The following ZSWIM5 variants were observed in gnomAD, a reference collection of about 807,000 sequenced individuals.
ZSWIM5 encodes the protein zinc finger SWIM-type containing 5.
In ZSWIM5, 55 loss-of-function variants were observed where a neutral mutation model predicts 119.6. The observed-to-expected ratio is 0.46, with a 90% CI of 0.37 to 0.58. The LOEUF (loss-of-function observed/expected upper bound fraction) is 0.58, where lower values mean the gene tolerates loss of function less well. Among genes scored for constraint, ZSWIM5 ranks in the 20% least tolerant of loss-of-function variants. ZSWIM5 has a pLI of 0.00. For synonymous variants in ZSWIM5, 537 were observed against 606.9 expected (o/e 0.88, Z 1.69); for missense variants, 1,193 against 1,512.8 (o/e 0.79, Z 3.51).
At chr1:45,020,838 C>G in intron 11 of ZSWIM5, 50 bp from the exon 12 acceptor site, 1 of 1,585,144 alleles carries the variant, frequency 6.3e-7, no homozygotes, top group Non-Finnish European at 8.6e-7. Context: ...TTTTACTAAA[C>G]AGTCAGCTGA....
At chr1:45,138,874 T>G (rs1438325536) in intron 1 of ZSWIM5, among the ~76,000 whole-genome samples, 1 of 151,648 alleles carries the variant, frequency 6.6e-6, no homozygotes, top group East Asian at 1.9e-4. Context: ...AGTAGAAATT[T>G]CGTTTTTCTT....
In ZSWIM5 at chr1:45,092,546, C is replaced by A. The variant is rs563703149; in HGVS notation, c.596-4309G>T. Among the ~76,000 whole-genome samples the A allele has an allele frequency of 1.2e-3, 116 of 98,390 alleles. 8 individuals carry two copies. Among genetic ancestry groups the A allele is most frequent in the Non-Finnish European group, 1.8e-3 (76 of 41,440 alleles). 64.5% of individuals were successfully genotyped at this position (98,390 alleles called of 152,430 possible). On this transcript the variant is annotated intron_variant, in intron 1 of 13. Coordinates refer to ENST00000359600, the MANE Select transcript of ZSWIM5 (RefSeq NM_020883.2). ...TTGTGACCTCGTGATCCACCCCCCCCCCCCCGCCAGCCTTACAAAGTGCTA... is the reference window on the plus strand; with the variant it reads ...TTGTGACCTCGTGATCCACCCCCCCACCCCCGCCAGCCTTACAAAGTGCTA...
intron 1 of ZSWIM5, among the ~76,000 whole-genome samples, chr1:45,145,877 G>C (rs748575156): frequency 5.9e-5 from 9 of 152,302 alleles, no homozygotes; most frequent in Non-Finnish European, 1.3e-4. Context: ...AAAGGAGACT[G>C]AGATGGAGCT....
intron 2 of ZSWIM5, among the ~76,000 whole-genome samples, chr1:45,083,267 AT>A (rs1392902124): frequency 8.1e-5 from 12 of 148,412 alleles, no homozygotes; most frequent in Non-Finnish European, 1.0e-4. Flanking sequence ...TATTCTTTTA[AT>A]TTTTTTTTTT....
Position 45,060,109 on chromosome 1 carries a change from A to G in ZSWIM5, c.1091T>C (p.Met364Thr). Residue 364 changes from methionine to threonine, a missense_variant, in exon 3 of 14, where the codon ATG becomes ACG. Around this residue, in one of 2 missense-constraint regions of ZSWIM5, gnomAD observed 961 missense variants for 1,290.0 expected, o/e 0.74. Coordinates refer to ENST00000359600, the MANE Select transcript of ZSWIM5 (RefSeq NM_020883.2). ...YCGSGKQLNS[M>T]FAKVREMLRM... ...CTTTTCATATCTTACCTTGGCAAAC[A>G]TTGAGTTGAGTTGCTTTCCAGAGCC... 6.2e-7 allele frequency: 1 copy of G among 1,614,164 alleles called. No individual in the cohort carries two copies. The highest frequency in any genetic ancestry group is 8.5e-7 in the Non-Finnish European group (1 of 1,180,010).
At chr1:45,184,573 A>G (rs1178411582) in intron 1 of ZSWIM5, among the ~76,000 whole-genome samples, 2 of 152,296 alleles carry the variant, frequency 1.3e-5, no homozygotes, top group South Asian at 2.1e-4. Flanking sequence ...AAATCAATGT[A>G]CAAAAATCAC....
At position 45,017,387 on chromosome 1, in the gene ZSWIM5, T is replaced by C. The variant is rs140223641; in HGVS notation, c.*1067A>G. ...CTAAACATGCACAAACATGAGTGCA[T>C]TTGCACAAAGATGTGCATCCTCACA... On this transcript the variant is annotated 3_prime_UTR_variant, in exon 14 of 14. Coordinates refer to ENST00000359600, the MANE Select transcript of ZSWIM5 (RefSeq NM_020883.2). 3 of 152,352 alleles carry C rather than the reference T, an allele frequency of 2.0e-5. No homozygotes were observed. Among genetic ancestry groups the C allele is most frequent in the Non-Finnish European group, 4.4e-5 (3 of 68,036 alleles). 9.4% of individuals were successfully genotyped at this position (152,352 alleles called of 1,614,324 possible). A position where few individuals can be genotyped will look rare whatever the true frequency, so the allele number is the denominator to read the frequency against.
intron 1 of ZSWIM5, among the ~76,000 whole-genome samples, chr1:45,134,755 C>T (rs992721163): frequency 5.3e-5 from 8 of 152,194 alleles, no homozygotes; most frequent in East Asian, 1.9e-4. Context: ...TAGTCTCTAG[C>T]GGTCAGGTGC....
At chr1:45,195,663 C>T (rs940036936) in intron 1 of ZSWIM5, among the ~76,000 whole-genome samples, 26 of 152,076 alleles carry the variant, frequency 1.7e-4, no homozygotes, top group Non-Finnish European at 2.2e-4. Context: ...TGGAATAAGG[C>T]CTCTCCAAAA....
chr1:45,188,366 A>G (rs895646621), intron 1 of ZSWIM5, among the ~76,000 whole-genome samples: 6 of 152,220 alleles, frequency 3.9e-5, no homozygotes, highest in Admixed American at 2.6e-4. Flanking sequence ...TTCTTACTCA[A>G]TTTATATAAA....
At chr1:45,194,697 G>A (rs1646111901) in intron 1 of ZSWIM5, among the ~76,000 whole-genome samples, 2 of 152,048 alleles carry the variant, frequency 1.3e-5, no homozygotes, top group South Asian at 4.1e-4. Flanking sequence ...CTAACACAGT[G>A]AAACCCTGTT....
At position 45,019,936 on chromosome 1, in the gene ZSWIM5, T is replaced by C. The variant is rs182967124; in HGVS notation, c.2695+130A>G. ...TTCTCCTACCAGCAGCCCCATCCTT[T>C]CTTAGGCCATCTCCTGATGGACCTA... On this transcript the variant is annotated intron_variant, in intron 13 of 13. Coordinates refer to ENST00000359600, the MANE Select transcript of ZSWIM5 (RefSeq NM_020883.2). This position sits in a 1 kb window ranked among gnomAD's most constrained non-coding sequence, Gnocchi z 5.0. 253 of 789,984 alleles carry C rather than the reference T, an allele frequency of 3.2e-4. No homozygotes were observed. In the East Asian group the frequency reaches 5.4e-3, roughly 17 times the overall value. The allele number at this position is 789,984 out of a possible 1,614,324, so 48.9% of individuals were successfully genotyped here.
chr1:45,178,339 G>A (rs751014197), intron 1 of ZSWIM5, among the ~76,000 whole-genome samples: 18 of 152,210 alleles, frequency 1.2e-4, no homozygotes, highest in Non-Finnish European at 2.2e-4. Context: ...CTGGAGAGTC[G>A]CTTGAACCTG....
At chr1:45,120,339 C>T (rs535307595) in intron 1 of ZSWIM5, among the ~76,000 whole-genome samples, 1 of 152,152 alleles carries the variant, frequency 6.6e-6, no homozygotes, top group Non-Finnish European at 1.5e-5. Flanking sequence ...ACAACAACAA[C>T]AACAAAAACC....
At chr1:45,068,496 C>CA (rs34111213) in intron 2 of ZSWIM5, among the ~76,000 whole-genome samples, 127,254 of 148,578 alleles carry the variant, frequency 0.86, 54,440 homozygotes, top group South Asian at 0.92. Flanking sequence ...AACTCCGTCT[C>CA]AAAAAAAAAA....
intron 1 of ZSWIM5, among the ~76,000 whole-genome samples, chr1:45,096,585 G>A (rs1645404823): frequency 6.6e-6 from 1 of 151,538 alleles, no homozygotes. Context: ...CAGCCCTCAA[G>A]TGCTTTAACA....
chr1:45,149,017 C>T (rs556972564), intron 1 of ZSWIM5, among the ~76,000 whole-genome samples: 1 of 152,174 alleles, frequency 6.6e-6, no homozygotes, highest in South Asian at 2.1e-4. Context: ...CCTTGTAAGC[C>T]CAGCACTTTA....
At chr1:45,186,102 G>T (rs898778423) in intron 1 of ZSWIM5, among the ~76,000 whole-genome samples, 10 of 151,168 alleles carry the variant, frequency 6.6e-5, no homozygotes, top group African/African-American at 2.4e-4. Flanking sequence ...TCCTTTGTAG[G>T]GACATGGATG....
intron 1 of ZSWIM5, among the ~76,000 whole-genome samples, chr1:45,142,080 C>T (rs1645730963): frequency 6.6e-6 from 1 of 152,002 alleles, no homozygotes; most frequent in Non-Finnish European, 1.5e-5. Context: ...CATGGTTGTG[C>T]ATGTCTGTGG....
Sources: allele counts gnomAD v4.1 joint callset (sites outside exome capture counted in the v4.1 genomes callset), GRCh38; gene constraint gnomAD v4.1.1; regional missense constraint gnomAD v4.1.1; non-coding constraint Gnocchi (gnomAD v3.1); transcripts MANE v1.5; gene names NCBI Gene and HGNC (gene_info 2026-07-23, HGNC 2026-07-21).